Variants in BACH2 observed in about 807,000 individuals in gnomAD.
BACH2 encodes transcription regulator protein BACH2.
A neutral mutation model predicts 61.8 loss-of-function variants in BACH2; 5 were observed. The ratio of observed to expected loss-of-function variants is 0.08; its 90% confidence interval spans 0.04 to 0.17. BACH2 has a LOEUF of 0.17. Among genes scored for constraint, BACH2 ranks in the 10% least tolerant of loss-of-function variants. The pLI is 1.00. For missense variants in BACH2, 824 were observed against 1,091.1 expected (o/e 0.76, Z 3.45); for synonymous variants, 446 against 440.1 (o/e 1.01, Z -0.17).
intron 4 of BACH2, among the ~76,000 whole-genome samples, chr6:90,155,316 G>A (rs907481932): frequency 2.6e-5 from 4 of 152,206 alleles, no homozygotes; most frequent in Admixed American, 2.6e-4. Flanking sequence ...TGTAAGAAGG[G>A]AGGCTAGTTA....
chr6:90,267,437 A>C (rs1305035581), intron 2 of BACH2, among the ~76,000 whole-genome samples: 2 of 152,170 alleles, frequency 1.3e-5, no homozygotes, highest in East Asian at 3.8e-4. Context: ...GGTGAGGCAA[A>C]CAGGTACTCT....
At chr6:90,229,660 G>A (rs980716682) in intron 3 of BACH2, among the ~76,000 whole-genome samples, 7 of 152,196 alleles carry the variant, frequency 4.6e-5, no homozygotes, top group Non-Finnish European at 8.8e-5. Context: ...GGTTACCTCT[G>A]AAACTTTTAA....
At chr6:90,066,819 G>A (rs1000327790) in intron 5 of BACH2, among the ~76,000 whole-genome samples, 5 of 152,190 alleles carry the variant, frequency 3.3e-5, no homozygotes, top group African/African-American at 1.2e-4. Flanking sequence ...TGTGAGTGAG[G>A]CAACTGCTAG....
rs979362266 is a variant in BACH2 at position 89,930,008 on chromosome 6, C to CA, written c.*2399dup. ...CACTGTCACCAGTTTTCCACAAAGG[C>CA]AAACCTCATGGTGAAGCACAGAACT... On this transcript the variant is annotated 3_prime_UTR_variant, in exon 9 of 9. Transcript: ENST00000257749. 2.0e-5 allele frequency: 3 copies of CA among 152,110 alleles called. No homozygotes were observed. Among genetic ancestry groups the CA allele is most frequent in the Non-Finnish European group, 4.4e-5 (3 of 67,996 alleles). 9.4% of individuals were successfully genotyped at this position (152,110 alleles called of 1,614,324 possible).
chr6:90,094,438 G>A (rs1394254171), intron 4 of BACH2, among the ~76,000 whole-genome samples: 2 of 152,168 alleles, frequency 1.3e-5, no homozygotes, highest in Non-Finnish European at 2.9e-5. Context: ...AAACACAAAA[G>A]TGGTTTAATG....
intron 1 of BACH2, among the ~76,000 whole-genome samples, chr6:90,273,935 A>G (rs1256287221): frequency 6.6e-6 from 1 of 152,216 alleles, no homozygotes; most frequent in African/African-American, 2.4e-5. Flanking sequence ...CTGAATAAGA[A>G]CATGTAAAGC....
intron 1 of BACH2, among the ~76,000 whole-genome samples, chr6:90,296,159 C>G (rs1401763464): frequency 2.6e-5 from 4 of 152,120 alleles, no homozygotes; most frequent in Admixed American, 6.5e-5. Flanking sequence ...CTCTCTGCTC[C>G]TCCTCCCTCT....
At chr6:90,049,316 T>C (rs953465195) in intron 5 of BACH2, among the ~76,000 whole-genome samples, 55 of 152,186 alleles carry the variant, frequency 3.6e-4, no homozygotes, top group Admixed American at 3.5e-3. Flanking sequence ...ATAAGTGTTA[T>C]AAAAACAAAA....
chr6:90,165,597 C>G, intron 4 of BACH2, among the ~76,000 whole-genome samples: 1 of 152,090 alleles, frequency 6.6e-6, no homozygotes, highest in Non-Finnish European at 1.5e-5. Context: ...CCCGCATCGC[C>G]AAGTCAATCC....
chr6:90,067,379 G>A (rs1344780206), intron 5 of BACH2, among the ~76,000 whole-genome samples: 1 of 152,138 alleles, frequency 6.6e-6, no homozygotes, highest in Non-Finnish European at 1.5e-5. Flanking sequence ...AAGGGGAGCT[G>A]GGATGTTACG....
rs531221043 is a variant in BACH2, at chr6:90,005,287, G to A, written c.243+3315C>T. ...GGCCTGGCTGTGCTGGCCCCCTTGA[G>A]GAGCACAGCGGTTGGCTGCCAAGGG... On this transcript the variant is annotated intron_variant, in intron 6 of 8. Coordinates refer to ENST00000257749, the MANE Select transcript of BACH2 (RefSeq NM_021813.4). Among the ~76,000 whole-genome samples the A allele has an allele frequency of 2.0e-5, 3 of 152,254 alleles. No individual in the cohort carries two copies. In the South Asian group the frequency reaches 6.2e-4, roughly 32 times the overall value.
intron 4 of BACH2, among the ~76,000 whole-genome samples, chr6:90,171,228 T>C (rs201297324): frequency 6.6e-6 from 1 of 151,772 alleles, no homozygotes; most frequent in East Asian, 1.9e-4. Context: ...CTGGCCAACA[T>C]GATGAAACCC....
rs1487521902 is a variant in BACH2, at chr6:90,035,633, G to T, written c.-12-26777C>A. Among the ~76,000 whole-genome samples the T allele has an allele frequency of 3.9e-5, 6 of 151,908 alleles. No homozygotes were observed. The East Asian group carries it at 7.8e-4, about 20-fold the overall frequency. ...TTTGTGTGTCTTGTTGGGACCGGGG[G>T]TTCCTCATTCTGGAGTATGCCAGGG... is the stretch of plus-strand genomic sequence containing the variant. On this transcript the variant is annotated intron_variant, in intron 5 of 8. Transcript: ENST00000257749.
chr6:89,948,607 G>A (rs1254004925), intron 7 of BACH2, among the ~76,000 whole-genome samples: 1 of 152,206 alleles, frequency 6.6e-6, no homozygotes, highest in Non-Finnish European at 1.5e-5. Context: ...TGCGGATGAG[G>A]TGGACGCAGT....
At chr6:90,288,849 C>T (rs1475098911) in intron 1 of BACH2, among the ~76,000 whole-genome samples, 2 of 152,032 alleles carry the variant, frequency 1.3e-5, no homozygotes, top group Non-Finnish European at 2.9e-5. Flanking sequence ...TTCCTACCCA[C>T]CAAAAAAACA....
At chr6:90,040,732 C>T (rs1779493499) in intron 5 of BACH2, among the ~76,000 whole-genome samples, 1 of 151,960 alleles carries the variant, frequency 6.6e-6, no homozygotes, top group Non-Finnish European at 1.5e-5. Flanking sequence ...TAAAGATTTA[C>T]ATCTTAAGGA....
At chr6:90,190,880 C>T (rs181749227) in intron 4 of BACH2, among the ~76,000 whole-genome samples, 1 of 152,206 alleles carries the variant, frequency 6.6e-6, no homozygotes, top group African/African-American at 2.4e-5. Context: ...AAGTTCCAAA[C>T]AGGGGATGTG....
chr6:90,054,727 A>G (rs1780239101), intron 5 of BACH2, among the ~76,000 whole-genome samples: 1 of 152,218 alleles, frequency 6.6e-6, no homozygotes. Context: ...ACCCCCCAGT[A>G]GAGGCGGGCT....
chr6:90,128,692 C>A (rs752045159), intron 4 of BACH2, among the ~76,000 whole-genome samples: 7 of 152,124 alleles, frequency 4.6e-5, no homozygotes, highest in Non-Finnish European at 1.0e-4. Flanking sequence ...TACCATTTGA[C>A]CCAGCAATCC....
Sources: allele counts gnomAD v4.1 joint callset (sites outside exome capture counted in the v4.1 genomes callset), GRCh38; gene constraint gnomAD v4.1.1; transcripts MANE v1.5; gene names NCBI Gene and HGNC (gene_info 2026-07-23, HGNC 2026-07-21).